Variants in PHF3 observed in about 807,000 individuals in gnomAD.
PHF3 encodes PHD finger protein 3.
PHF3 carries 41 observed loss-of-function variants against 178.4 expected under a neutral mutation model. The observed-to-expected ratio is 0.23, with a 90% CI of 0.18 to 0.30. The LOEUF (loss-of-function observed/expected upper bound fraction) is 0.30, where lower values mean the gene tolerates loss of function less well. PHF3 is among the 10% of genes least tolerant of loss of function. PHF3 has a pLI of 1.00. For synonymous variants in PHF3, 842 were observed against 800.5 expected (o/e 1.05, Z -0.88); for missense variants, 2,346 against 2,398.1 (o/e 0.98, Z 0.45).
chr6:63,705,976 G>A, intron 11 of PHF3, 53 bp from the exon 12 acceptor site: 1 of 1,393,982 alleles, frequency 7.2e-7, no homozygotes, highest in Non-Finnish European at 9.7e-7. Context: ...AATGGGTTAA[G>A]TTATAAAAGT....
In PHF3 at chr6:63,685,975, G is replaced by T. The variant is rs183464763; in HGVS notation, c.2189+64G>T. ...AAATAAATTGCTTTTTTGGGGGTGG[G>T]ATTAATGTGAGAATTGTTTTAAAGA... On this transcript the variant is annotated intron_variant, in intron 4 of 15. Coordinates refer to ENST00000262043, the MANE Select transcript of PHF3 (RefSeq NM_001370348.2). The T allele has an allele frequency of 2.6e-4, 293 of 1,107,504 alleles. No individual in the cohort carries two copies. The African/African-American group carries it at 3.6e-3, about 14-fold the overall frequency. 68.6% of individuals were successfully genotyped at this position (1,107,504 alleles called of 1,614,324 possible).
intron 4 of PHF3, among the ~76,000 whole-genome samples, chr6:63,691,135 G>A (rs1016163356): frequency 3.3e-5 from 5 of 152,168 alleles, no homozygotes; most frequent in African/African-American, 1.2e-4. Context: ...CTGAATCAGC[G>A]TGACACCATG....
At chr6:63,686,435 T>G (rs1159671716) in intron 4 of PHF3, 1 of 152,306 alleles carries the variant, frequency 6.6e-6, no homozygotes, top group African/African-American at 2.4e-5. Flanking sequence ...GCTAAACAAT[T>G]GTTAGATTAC....
At chr6:63,653,484 C>A (rs535872580) in intron 2 of PHF3, among the ~76,000 whole-genome samples, 2 of 151,600 alleles carry the variant, frequency 1.3e-5, no homozygotes, top group South Asian at 4.2e-4. Flanking sequence ...ATTTTTTTCC[C>A]CACTAGTTTA....
intron 2 of PHF3, among the ~76,000 whole-genome samples, chr6:63,669,867 A>AT (rs1043173229): frequency 3.8e-4 from 58 of 152,112 alleles, no homozygotes; most frequent in African/African-American, 1.3e-3. Flanking sequence ...TATAATAATA[A>AT]TTTTTTTCTC....
intron 2 of PHF3, among the ~76,000 whole-genome samples, chr6:63,667,596 A>G (rs1406629614): frequency 1.3e-5 from 2 of 152,192 alleles, no homozygotes; most frequent in Admixed American, 6.5e-5. Flanking sequence ...TATCCTGTCC[A>G]TGTTCAAATT....
At chr6:63,705,508 T>C (rs1321259655) in intron 11 of PHF3, among the ~76,000 whole-genome samples, 1 of 152,150 alleles carries the variant, frequency 6.6e-6, no homozygotes. Context: ...AGGATCTAGG[T>C]TGCGTGCTCC....
chr6:63,686,510 G>A (rs541838435), intron 4 of PHF3, among the ~76,000 whole-genome samples: 1 of 152,194 alleles, frequency 6.6e-6, no homozygotes, highest in East Asian at 1.9e-4. Context: ...ATAATTTTTT[G>A]TGAATTCTAG....
chr6:63,646,449 C>A, intron 1 of PHF3, 78 bp from the exon 2 acceptor site: 1 of 1,003,208 alleles, frequency 1.0e-6, no homozygotes. Context: ...AGACTCAAAA[C>A]TATTAAAATA....
At chr6:63,679,592 T>C (rs1766336644) in intron 2 of PHF3, 1 of 284,616 alleles carries the variant, frequency 3.5e-6, no homozygotes, top group South Asian at 3.6e-5. Flanking sequence ...CAGTTAGAAG[T>C]AGAATTTTTG....
In PHF3 at chr6:63,685,969, G is replaced by T. The variant is rs774611115; in HGVS notation, c.2189+58G>T. ...CATTGAAAATAAATTGCTTTTTTGG[G>T]GGTGGGATTAATGTGAGAATTGTTT... On this transcript the variant is annotated intron_variant, in intron 4 of 15. Transcript: ENST00000262043. The T allele has an allele frequency of 4.9e-6, 6 of 1,219,904 alleles. No homozygotes were observed. In the South Asian group the frequency reaches 5.5e-5, roughly 11 times the overall value. The allele number at this position is 1,219,904 out of a possible 1,614,324, so 75.6% of individuals were successfully genotyped here. A position where few individuals can be genotyped will look rare whatever the true frequency, so the allele number is the denominator to read the frequency against.
intron 3 of PHF3, among the ~76,000 whole-genome samples, chr6:63,680,837 A>T (rs1266528103): frequency 1.3e-5 from 2 of 151,636 alleles, no homozygotes; most frequent in African/African-American, 4.8e-5. Flanking sequence ...ATGTAGACAG[A>T]CTCCTGTTAG....
Position 63,713,275 on chromosome 6 carries a change from G to T in PHF3, c.5687G>T (p.Arg1896Leu). ...AAAGACATTCGGAGGCCAGAAAGGC[G>T]CCATAGTGACCCTTGGGGTAGGCAA... is the stretch of plus-strand genomic sequence containing the variant. ...QVKDIRRPERRHSDPWGRQDQ... is the reference protein window; with the variant it reads ...QVKDIRRPERLHSDPWGRQDQ... Residue 1896 changes from arginine (R) to leucine (L), a missense_variant, in exon 16 of 16, where the codon CGC becomes CTC. Arg to Leu is a moderately radical substitution (Grantham distance 102). Around this residue, in one of 8 missense-constraint regions of PHF3, gnomAD observed 839 missense variants for 806.9 expected, o/e 1.04. Transcript: ENST00000262043. The T allele has an allele frequency of 2.5e-6, 4 of 1,614,044 alleles. No homozygotes were observed. The highest frequency in any genetic ancestry group is 3.4e-6 in the Non-Finnish European group (4 of 1,179,976).
chr6:63,640,317 T>C (rs187544826), intron 1 of PHF3, among the ~76,000 whole-genome samples: 2 of 152,338 alleles, frequency 1.3e-5, no homozygotes, highest in East Asian at 3.9e-4. Flanking sequence ...TGTTGTTATA[T>C]CATAGTAGTT....
intron 2 of PHF3, among the ~76,000 whole-genome samples, chr6:63,665,315 C>T (rs1765632108): frequency 6.6e-6 from 1 of 151,954 alleles, no homozygotes; most frequent in Non-Finnish European, 1.5e-5. Context: ...TAACACTTGT[C>T]TCATTTGTAG....
Position 63,680,085 on chromosome 6 carries a change from T to C in PHF3, c.330T>C (p.Pro110=). ...DTIDEEELIL[P]NRNLRDKVEE... ...TTGATGAAGAAGAACTGATTTTACC[T>C]AACAGGAACTTAAGGGACAAGGTAG... The change falls in exon 3 of 16, where the codon CCT becomes CCC. Residue 110 remains proline (P), a synonymous_variant. Transcript: ENST00000262043. The C allele has an allele frequency of 6.2e-7, 1 of 1,612,776 alleles. No homozygotes were observed. Among genetic ancestry groups the C allele is most frequent in the Non-Finnish European group, 8.5e-7 (1 of 1,179,190 alleles).
At chr6:63,681,255 G>T (rs1472172754) in intron 3 of PHF3, among the ~76,000 whole-genome samples, 3 of 151,932 alleles carry the variant, frequency 2.0e-5, no homozygotes, top group African/African-American at 7.3e-5. Flanking sequence ...TTCAGCTTTG[G>T]TGTTTTGATA....
At chr6:63,638,073 T>A (rs1764423351) in intron 1 of PHF3, among the ~76,000 whole-genome samples, 1 of 152,172 alleles carries the variant, frequency 6.6e-6, no homozygotes, top group African/African-American at 2.4e-5. Flanking sequence ...TGAGAAGTGG[T>A]CTATGTAAAT....
At chr6:63,672,958 G>C (rs897887845) in intron 2 of PHF3, among the ~76,000 whole-genome samples, 1 of 152,056 alleles carries the variant, frequency 6.6e-6, no homozygotes. Flanking sequence ...AATTTGTTCT[G>C]ACCAAGAGGC....
Sources: gnomAD v4.1 joint callset for allele counts (sites outside exome capture counted in the v4.1 genomes callset) on GRCh38, gnomAD v4.1.1 for gene constraint, gnomAD v4.1.1 regional missense constraint, MANE v1.5 for transcripts, NCBI Gene and HGNC (gene_info 2026-07-23, HGNC 2026-07-21) for gene names.